AGMAT: variants seen among roughly 807,000 people sequenced by gnomAD.
AGMAT encodes the protein guanidino acid hydrolase, mitochondrial.
AGMAT carries 37 observed loss-of-function variants against 29.3 expected under a neutral mutation model. That is an observed-to-expected ratio of 1.26 (90% CI 0.97 to 1.66). The LOEUF (loss-of-function observed/expected upper bound fraction) is 1.66. Ranked by LOEUF, AGMAT falls within the 40% of genes most tolerant of loss-of-function variation. The pLI, the probability that AGMAT is intolerant of heterozygous loss-of-function variation, is 0.00. For synonymous variants in AGMAT, 199 were observed against 200.8 expected, an observed-to-expected ratio of 0.99 and a Z score of 0.08; for missense variants, 498 against 497.8, an observed-to-expected ratio of 1.00 and a Z score of 0.00.
At chr1:15,583,436 A>T (rs1332282183) in intron 1 of AGMAT, 41 bp from the exon 2 acceptor site, 2 of 1,578,342 alleles carry the variant, frequency 1.3e-6, no homozygotes, top group South Asian at 2.3e-5. Flanking sequence ...TCATCTGCAG[A>T]GATTTCAGGC....
rs868177204 is a variant in AGMAT, at chr1:15,583,259, T to C, written c.409A>G (p.Ser137Gly). ...VNVNLYNLQD[S>G]CRRIQEAYEK... ...TAGGCCTCTTGAATTCGCCGGCAGC[T>C]GTCCTGAAGGTTGTAAAGATTGACA... is the stretch of plus-strand genomic sequence containing the variant. The change falls in exon 2 of 7, where the codon AGC (serine) becomes GGC (glycine). Residue 137 changes from serine to glycine, a missense_variant. By Grantham distance (56) the Ser-to-Gly change is moderately conservative. Coordinates refer to ENST00000375826, the MANE Select transcript of AGMAT (RefSeq NM_024758.5). 10 of 1,614,176 alleles carry C rather than the reference T, an allele frequency of 6.2e-6. No homozygotes were observed. Among genetic ancestry groups the C allele is most frequent in the Middle Eastern group, 1.7e-4 (1 of 6,048 alleles).
intron 1 of AGMAT, among the ~76,000 whole-genome samples, chr1:15,584,269 A>G (rs1037564622): frequency 2.0e-5 from 3 of 152,042 alleles, no homozygotes; most frequent in African/African-American, 7.3e-5. Context: ...CAGCCTCCCG[A>G]GTAGCTGGGA....
intron 4 of AGMAT, among the ~76,000 whole-genome samples, chr1:15,578,297 C>CT (rs113144511): frequency 0.012 from 1,719 of 149,236 alleles, 39 homozygotes; most frequent in African/African-American, 0.039. Context: ...TTCCTCCCCT[C>CT]TTTTTTTTTT....
rs756967227 is a variant in AGMAT at position 15,584,793 on chromosome 1, T to C, written c.175A>G (p.Met59Val). ...FVARPVGVCS[M>V]MRLPVQTSPE... is the part of the protein sequence containing the mutation. Reference sequence around the variant, plus strand: ...GAGGTCTGCACCGGCAGGCGCATCATGGAGCAGACGCCCACCGGCCGGGCC... The same window carrying C: ...GAGGTCTGCACCGGCAGGCGCATCACGGAGCAGACGCCCACCGGCCGGGCC... The change falls in exon 1 of 7, where the codon ATG becomes GTG. Residue 59 changes from methionine (M) to valine (V), a missense_variant. Met to Val is a conservative substitution (Grantham distance 21). Transcript: ENST00000375826. 7.9e-6 allele frequency: 11 copies of C among 1,390,954 alleles called. No homozygotes were observed. The highest frequency in any genetic ancestry group is 1.0e-5 in the Non-Finnish European group (11 of 1,074,096). 86.2% of individuals were successfully genotyped at this position (1,390,954 alleles called of 1,614,324 possible).
intron 5 of AGMAT, 148 bp downstream of exon 5, chr1:15,577,537 C>T: frequency 1.2e-6 from 1 of 800,662 alleles, no homozygotes; most frequent in Non-Finnish European, 1.9e-6. Context: ...CGCACCACTG[C>T]ACTCCAGCCT....
chr1:15,578,707 C>T, intron 4 of AGMAT, 152 bp downstream of exon 4: 1 of 867,880 alleles, frequency 1.2e-6, no homozygotes, highest in Non-Finnish European at 1.8e-6. Context: ...CACTCCTATG[C>T]TCCTTATGCC....
At chr1:15,583,464 T>C in intron 1 of AGMAT, 69 bp from the exon 2 acceptor site, 2 of 1,457,970 alleles carry the variant, frequency 1.4e-6, no homozygotes, top group Non-Finnish European at 1.9e-6. Flanking sequence ...AGGCCAGGGC[T>C]TCTCAGCCTC....
rs1182005830 is a variant in AGMAT at position 15,573,568 on chromosome 1, T to C, written c.*83A>G. On this transcript the variant is annotated 3_prime_UTR_variant, in exon 7 of 7. Coordinates refer to ENST00000375826, the MANE Select transcript of AGMAT (RefSeq NM_024758.5). Reference sequence around the variant, plus strand: ...AGAAAGTTTTCTTGGCATAAACTCTTTAGTTCTCAGACTGCTTACTCATAA... The same window carrying C: ...AGAAAGTTTTCTTGGCATAAACTCTCTAGTTCTCAGACTGCTTACTCATAA... 17 of 1,311,022 alleles carry C rather than the reference T, an allele frequency of 1.3e-5. No homozygotes were observed. Among genetic ancestry groups the C allele is most frequent in the African/African-American group, 2.9e-5 (2 of 68,426 alleles). The allele number at this position is 1,311,022 out of a possible 1,614,324, so 81.2% of individuals were successfully genotyped here.
At chr1:15,580,199 A>AAC in intron 2 of AGMAT, 57 bp from the exon 3 acceptor site, 17 of 1,036,042 alleles carry the variant, frequency 1.6e-5, no homozygotes, top group Non-Finnish European at 2.1e-5. Flanking sequence ...ACATAGAATA[A>AAC]TCTTTTTTTT....
intron 6 of AGMAT, 84 bp from the exon 7 acceptor site, chr1:15,573,808 C>A: frequency 8.4e-7 from 1 of 1,192,470 alleles, no homozygotes; most frequent in Non-Finnish European, 1.2e-6. Flanking sequence ...TTCTCTTCCC[C>A]TTGTGCCTCC....
chr1:15,584,342 G>C (rs2103441068), intron 1 of AGMAT, among the ~76,000 whole-genome samples: 1 of 150,310 alleles, frequency 6.7e-6, no homozygotes, highest in African/African-American at 2.5e-5. Context: ...TGTAGAGACA[G>C]AGTTTCACCA....
chr1:15,580,621 T>A (rs1639100372), intron 2 of AGMAT, among the ~76,000 whole-genome samples: 1 of 152,116 alleles, frequency 6.6e-6, no homozygotes, highest in African/African-American at 2.4e-5. Context: ...AAGGCTGCAG[T>A]AAGCTGTGAT....
At chr1:15,575,748 T>TATTTA (rs1438070200) in intron 5 of AGMAT, 4 of 151,308 alleles carry the variant, frequency 2.6e-5, no homozygotes, top group Admixed American at 1.3e-4. Flanking sequence ...TTTATTTATT[T>TATTTA]ATTTATTTAT....
At chr1:15,581,089 G>GC (rs1639107486) in intron 2 of AGMAT, among the ~76,000 whole-genome samples, 1 of 152,022 alleles carries the variant, frequency 6.6e-6, no homozygotes, top group African/African-American at 2.4e-5. Context: ...TAGACCAGGC[G>GC]CAGTGGCTCA....
At chr1:15,575,949 A>G (rs2103436380) in intron 5 of AGMAT, 1 of 151,954 alleles carries the variant, frequency 6.6e-6, no homozygotes, top group Middle Eastern at 3.4e-3. Context: ...TAAAGATGGG[A>G]TCTCACTATG....
At chr1:15,584,555 C>T (rs2103441205) in intron 1 of AGMAT, 141 bp downstream of exon 1, 2 of 927,722 alleles carry the variant, frequency 2.2e-6, no homozygotes, top group Non-Finnish European at 2.8e-6. Context: ...CATCTCAAAC[C>T]ATAAGGGGCA....
intron 2 of AGMAT, among the ~76,000 whole-genome samples, chr1:15,581,941 A>G (rs1429591572): frequency 1.3e-5 from 2 of 152,070 alleles, no homozygotes; most frequent in Non-Finnish European, 2.9e-5. Context: ...CTTTCTGATA[A>G]TAATAACAGT....
At chr1:15,583,125 C>G in intron 2 of AGMAT, 68 bp downstream of exon 2, 1 of 1,398,928 alleles carries the variant, frequency 7.1e-7, no homozygotes, top group African/African-American at 2.2e-5. Flanking sequence ...TGTACTCAAG[C>G]CCCTGAGTAC....
At chr1:15,579,837 A>G (rs2103438522) in intron 3 of AGMAT, among the ~76,000 whole-genome samples, 1 of 152,316 alleles carries the variant, frequency 6.6e-6, no homozygotes, top group Non-Finnish European at 1.5e-5. Context: ...AAACAGAAGC[A>G]AGTTGAAAAT....
Sources: gnomAD v4.1 joint callset for allele counts (sites outside exome capture counted in the v4.1 genomes callset) on GRCh38, gnomAD v4.1.1 for gene constraint, MANE v1.5 for transcripts, NCBI Gene and HGNC (gene_info 2026-07-23, HGNC 2026-07-21) for gene names.